ARK2C: variants seen among roughly 807,000 people sequenced by gnomAD.
ARK2C encodes the protein arkadia (RNF111) C-terminal like ring finger ubiquitin ligase 2C.
At chr18:46,408,603 TC>T in the ARK2C span, among the ~76,000 whole-genome samples, 3 of 152,180 alleles carry the variant, frequency 2.0e-5, no homozygotes, top group South Asian at 6.2e-4. Context: ...CTGTGGGGCA[TC>T]CTAAAGGGGG....
chr18:46,450,186 C>A, the ARK2C span: 1 of 748,770 alleles, frequency 1.3e-6, no homozygotes, highest in East Asian at 2.5e-5. Flanking sequence ...ATAGTTCTGC[C>A]CACAGCATCT....
At chr18:46,457,323 T>C in the ARK2C span, 1 of 146,830 alleles carries the variant, frequency 6.8e-6, no homozygotes, top group African/African-American at 2.5e-5. Flanking sequence ...GAGGGGGGGG[T>C]TCTCGTTTTA....
the ARK2C span, chr18:46,334,671 C>CGTGT: frequency 8.6e-3 from 2,628 of 304,418 alleles, 24 homozygotes; most frequent in Non-Finnish European, 0.01. The surrounding 1 kb of genome is among the most constrained non-coding windows in gnomAD (Gnocchi z 4.4). Flanking sequence ...GATACATGAC[C>CGTGT]GTGTGTGTGT....
At chr18:46,433,406 T>C in the ARK2C span, 1 of 1,613,438 alleles carries the variant, frequency 6.2e-7, no homozygotes, top group South Asian at 1.1e-5. Context: ...TTCCAGGACG[T>C]CACAGGTCCC....
At chr18:46,428,935 T>C in the ARK2C span, among the ~76,000 whole-genome samples, 2 of 152,216 alleles carry the variant, frequency 1.3e-5, no homozygotes, top group African/African-American at 4.8e-5. Context: ...TTTTCCTTTA[T>C]AGACATGCTT....
chr18:46,388,074 C>T, the ARK2C span, among the ~76,000 whole-genome samples: 1 of 152,176 alleles, frequency 6.6e-6, no homozygotes, highest in Non-Finnish European at 1.5e-5. Flanking sequence ...ATTTGACACA[C>T]AAAGAGTATA....
At chr18:46,459,869 A>C in the ARK2C span, 1 of 152,596 alleles carries the variant, frequency 6.6e-6, no homozygotes, top group Non-Finnish European at 1.5e-5. Context: ...CCCTTTCTTG[A>C]CTGAGACGCA....
the ARK2C span, among the ~76,000 whole-genome samples, chr18:46,425,297 G>A: frequency 6.6e-5 from 10 of 152,340 alleles, 1 homozygote; most frequent in East Asian, 1.9e-3. Flanking sequence ...AGGCAGAGCT[G>A]GCTCTGGTCA....
chr18:46,392,320 G>C, the ARK2C span, among the ~76,000 whole-genome samples: 1 of 152,222 alleles, frequency 6.6e-6, no homozygotes, highest in East Asian at 1.9e-4. Flanking sequence ...ATGCTTGAAG[G>C]AACATTTAAT....
chr18:46,348,513 A>G, the ARK2C span, among the ~76,000 whole-genome samples: 2 of 152,322 alleles, frequency 1.3e-5, no homozygotes, highest in East Asian at 3.9e-4. Context: ...ATGCTGGGAC[A>G]GTTACCTCCA....
At chr18:46,380,069 C>G in the ARK2C span, among the ~76,000 whole-genome samples, 1 of 152,216 alleles carries the variant, frequency 6.6e-6, no homozygotes, top group African/African-American at 2.4e-5. Flanking sequence ...GCTCTGCTGT[C>G]GGGTTAAACT....
the ARK2C span, among the ~76,000 whole-genome samples, chr18:46,420,181 G>A: frequency 6.6e-6 from 1 of 152,186 alleles, no homozygotes; most frequent in Admixed American, 6.5e-5. Context: ...CATAGCACCA[G>A]CTCCTTAAAA....
chr18:46,393,254 T>C, the ARK2C span, among the ~76,000 whole-genome samples: 1 of 152,228 alleles, frequency 6.6e-6, no homozygotes, highest in African/African-American at 2.4e-5. Flanking sequence ...CCTGACAACA[T>C]CCACTTAAGT....
the ARK2C span, among the ~76,000 whole-genome samples, chr18:46,345,326 G>C: frequency 6.6e-6 from 1 of 152,242 alleles, no homozygotes; most frequent in Non-Finnish European, 1.5e-5. Context: ...CCCCGGGCAG[G>C]TGCGGTGGGA....
At chr18:46,389,429 T>C in the ARK2C span, among the ~76,000 whole-genome samples, 1 of 152,196 alleles carries the variant, frequency 6.6e-6, no homozygotes, top group South Asian at 2.1e-4. Context: ...TGTCAGGTCA[T>C]CTGGTTCAAT....
chr18:46,334,993 C>G, the ARK2C span: 1 of 151,818 alleles, frequency 6.6e-6, no homozygotes, highest in Non-Finnish European at 1.5e-5. This position sits in a 1 kb window ranked among gnomAD's most constrained non-coding sequence, Gnocchi z 4.4. Context: ...CCCCGCCCCC[C>G]GCAACTGTCT....
chr18:46,368,672 C>T, the ARK2C span, among the ~76,000 whole-genome samples: 1 of 152,244 alleles, frequency 6.6e-6, no homozygotes, highest in Non-Finnish European at 1.5e-5. Flanking sequence ...TGTACCTAAA[C>T]CTGGCTGAGC....
At chr18:46,371,249 C>A in the ARK2C span, among the ~76,000 whole-genome samples, 1 of 152,092 alleles carries the variant, frequency 6.6e-6, no homozygotes, top group East Asian at 1.9e-4. Context: ...CAATTCAAGA[C>A]GAGATTTGCA....
the ARK2C span, among the ~76,000 whole-genome samples, chr18:46,345,684 T>A: frequency 1.2e-4 from 18 of 152,220 alleles, no homozygotes; most frequent in Non-Finnish European, 2.5e-4. Flanking sequence ...GGGGAAAACA[T>A]GAAGTTTATA....
Sources: allele counts gnomAD v4.1 joint callset (sites outside exome capture counted in the v4.1 genomes callset), GRCh38; gene constraint gnomAD v4.1.1; non-coding constraint Gnocchi (gnomAD v3.1); transcripts MANE v1.5; gene names NCBI Gene and HGNC (gene_info 2026-07-23, HGNC 2026-07-21).